Variants in JARID2 observed in about 807,000 individuals in gnomAD.
The protein encoded by JARID2 is jumonji and AT-rich interaction domain containing 2.
A neutral mutation model predicts 125.6 loss-of-function variants in JARID2; 21 were observed. The observed-to-expected ratio is 0.17, with a 90% CI of 0.12 to 0.24. The LOEUF (loss-of-function observed/expected upper bound fraction) is 0.24. Among genes scored for constraint, JARID2 ranks in the 10% least tolerant of loss-of-function variants. JARID2 has a pLI of 1.00. For missense variants in JARID2, 1,303 were observed against 1,639.6 expected, an observed-to-expected ratio of 0.79 and a Z score of 3.55; for synonymous variants, 736 against 661.6, an observed-to-expected ratio of 1.11 and a Z score of -1.73.
At chr6:15,476,279 C>T (rs1010581217) in intron 5 of JARID2, among the ~76,000 whole-genome samples, 6 of 152,218 alleles carry the variant, frequency 3.9e-5, no homozygotes, top group Non-Finnish European at 5.9e-5. Context: ...ACCCAGACTG[C>T]CAGGGGTGTC....
At chr6:15,464,246 T>G (rs1768600219) in intron 4 of JARID2, among the ~76,000 whole-genome samples, 1 of 152,226 alleles carries the variant, frequency 6.6e-6, no homozygotes, top group African/African-American at 2.4e-5. Context: ...GACCCCTCTG[T>G]GATTTTACAA....
intron 6 of JARID2, among the ~76,000 whole-genome samples, chr6:15,492,028 T>C (rs1182271511): frequency 6.6e-6 from 1 of 152,228 alleles, no homozygotes; most frequent in Non-Finnish European, 1.5e-5. Flanking sequence ...GCCTGTTAAA[T>C]TGAAACCATT....
chr6:15,299,392 G>T (rs927074148), intron 1 of JARID2, among the ~76,000 whole-genome samples: 2 of 152,188 alleles, frequency 1.3e-5, no homozygotes, highest in African/African-American at 4.8e-5. Context: ...ATGAGTTAAG[G>T]TCTTGCATAC....
intron 4 of JARID2, among the ~76,000 whole-genome samples, chr6:15,466,710 T>A (rs1691235318): frequency 6.6e-6 from 1 of 152,258 alleles, no homozygotes; most frequent in Non-Finnish European, 1.5e-5. Flanking sequence ...CTATGCTAAT[T>A]AGCCTCCTGT....
chr6:15,448,370 G>T (rs1030938159), intron 3 of JARID2, among the ~76,000 whole-genome samples: 1 of 152,078 alleles, frequency 6.6e-6, no homozygotes, highest in African/African-American at 2.4e-5. Context: ...GTCTCGCTCC[G>T]TTGTCTGTGC....
chr6:15,450,462 G>A (rs979245624), intron 3 of JARID2, among the ~76,000 whole-genome samples: 4 of 152,100 alleles, frequency 2.6e-5, no homozygotes, highest in African/African-American at 4.8e-5. Context: ...GAACCACTGC[G>A]CCCGGCACTT....
chr6:15,492,095 C>T (rs1455471812), intron 6 of JARID2, among the ~76,000 whole-genome samples: 1 of 152,212 alleles, frequency 6.6e-6, no homozygotes, highest in Non-Finnish European at 1.5e-5. Context: ...CTGGGATCAC[C>T]TGAGATACAG....
chr6:15,490,037 A>T (rs1238950546), intron 6 of JARID2, among the ~76,000 whole-genome samples: 1 of 152,108 alleles, frequency 6.6e-6, no homozygotes, highest in African/African-American at 2.4e-5. Flanking sequence ...AGTCTGGCCA[A>T]CTCCTTATAC....
At chr6:15,286,826 C>T (rs2127388363) in intron 1 of JARID2, among the ~76,000 whole-genome samples, 1 of 147,896 alleles carries the variant, frequency 6.8e-6, no homozygotes, top group South Asian at 2.2e-4. Flanking sequence ...CATGCCACTG[C>T]ACTCCAGCCT....
intron 4 of JARID2, among the ~76,000 whole-genome samples, chr6:15,453,665 A>G (rs929406299): frequency 1.3e-5 from 2 of 152,190 alleles, no homozygotes; most frequent in East Asian, 1.9e-4. Flanking sequence ...ATTTTATTCA[A>G]AGGGTTATAA....
chr6:15,504,440 T>G, intron 8 of JARID2, 60 bp from the exon 9 acceptor site: 1 of 1,283,880 alleles, frequency 7.8e-7, no homozygotes. Context: ...GTGTCTGGCC[T>G]CATTTGCAGT....
intron 1 of JARID2, among the ~76,000 whole-genome samples, chr6:15,249,877 C>G (rs886859621): frequency 2.0e-5 from 3 of 152,156 alleles, no homozygotes; most frequent in Non-Finnish European, 2.9e-5. Context: ...CCTTAAATAA[C>G]TGAAAACATT....
intron 7 of JARID2, among the ~76,000 whole-genome samples, chr6:15,500,398 T>G (rs539127758): frequency 6.6e-6 from 1 of 152,102 alleles, no homozygotes; most frequent in East Asian, 1.9e-4. Flanking sequence ...AGTGAGTGAG[T>G]GGGTGGGCAT....
intron 3 of JARID2, among the ~76,000 whole-genome samples, chr6:15,416,580 C>G (rs1384026051): frequency 6.6e-6 from 1 of 152,032 alleles, no homozygotes; most frequent in African/African-American, 2.4e-5. Context: ...GGCAGGCACT[C>G]GGCAGGCTGA....
In JARID2 at chr6:15,372,087, C is replaced by G. The variant is rs1043324807; in HGVS notation, c.46-2030C>G. Among the ~76,000 whole-genome samples the G allele has an allele frequency of 2.0e-5, 3 of 152,166 alleles. No homozygotes were observed. In the East Asian group the frequency reaches 5.8e-4, roughly 29 times the overall value. ...TTAAGTTATTTAGGGCTTAGAGTCT[C>G]TATGATGTTGGATTTCTAAAATGAA... On this transcript the variant is annotated intron_variant, in intron 1 of 17. Coordinates refer to ENST00000341776, the MANE Select transcript of JARID2 (RefSeq NM_004973.4).
intron 2 of JARID2, among the ~76,000 whole-genome samples, chr6:15,409,405 T>C (rs1358860977): frequency 6.6e-6 from 1 of 152,242 alleles, no homozygotes; most frequent in Non-Finnish European, 1.5e-5. Flanking sequence ...GTCTAGTTGC[T>C]GTGGACATGT....
chr6:15,499,960 C>T (rs544436109), intron 7 of JARID2, among the ~76,000 whole-genome samples: 3 of 152,304 alleles, frequency 2.0e-5, no homozygotes, highest in South Asian at 4.1e-4. Context: ...GGACTGGATC[C>T]GTGCACACTT....
intron 2 of JARID2, among the ~76,000 whole-genome samples, chr6:15,397,464 G>A (rs1765261639): frequency 6.6e-6 from 1 of 152,120 alleles, no homozygotes; most frequent in African/African-American, 2.4e-5. Flanking sequence ...TTAATAGCGT[G>A]GTACTGAAAT....
At chr6:15,247,883 A>C in intron 1 of JARID2, 5 of 985,392 alleles carry the variant, frequency 5.1e-6, no homozygotes, top group Non-Finnish European at 6.0e-6. Context: ...AATGCAAAGG[A>C]CTAGTTTAAA....
Sources: allele counts gnomAD v4.1 joint callset (sites outside exome capture counted in the v4.1 genomes callset), GRCh38; gene constraint gnomAD v4.1.1; transcripts MANE v1.5; gene names NCBI Gene and HGNC (gene_info 2026-07-23, HGNC 2026-07-21).